DBF4: variants seen among roughly 807,000 people sequenced by gnomAD.
The protein encoded by DBF4 is DBF4-CDC7 kinase regulatory subunit, also known as protein DBF4 homolog A.
DBF4 carries 25 observed loss-of-function variants against 76.6 expected under a neutral mutation model. That is an observed-to-expected ratio of 0.33 (90% confidence interval 0.24 to 0.46). The LOEUF (loss-of-function observed/expected upper bound fraction) is 0.46. Among genes scored for constraint, DBF4 ranks in the 20% least tolerant of loss-of-function variants. The pLI is 1.00. For synonymous variants in DBF4, 213 were observed against 258.0 expected (o/e 0.83, Z 1.67); for missense variants, 638 against 760.8 (o/e 0.84, Z 1.90).
intron 6 of DBF4, among the ~76,000 whole-genome samples, chr7:87,893,407 G>A (rs1330611666): frequency 1.3e-5 from 2 of 151,398 alleles, no homozygotes; most frequent in Admixed American, 6.6e-5. Context: ...CACCGCGCCC[G>A]GCTAATTTTT....
chr7:87,900,732 G>A, intron 9 of DBF4, 32 bp from the exon 10 acceptor site: 1 of 1,558,458 alleles, frequency 6.4e-7, no homozygotes. Context: ...AGGTTCAGCA[G>A]TTAATTCTTT....
At chr7:87,894,760 C>G (rs767928261) in intron 6 of DBF4, among the ~76,000 whole-genome samples, 1 of 152,132 alleles carries the variant, frequency 6.6e-6, no homozygotes, top group African/African-American at 2.4e-5. Flanking sequence ...TGGATTCTGA[C>G]GAGAAATCTG....
At chr7:87,890,874 A>T (rs1762334205) in intron 6 of DBF4, among the ~76,000 whole-genome samples, 1 of 152,214 alleles carries the variant, frequency 6.6e-6, no homozygotes, top group Non-Finnish European at 1.5e-5. Flanking sequence ...AATGATAATA[A>T]TACCAAATAT....
In DBF4 at chr7:87,907,466, A is replaced by T. The variant is rs1839938141; in HGVS notation, c.1328A>T (p.Asp443Val). The T allele has an allele frequency of 6.2e-7, 1 of 1,613,932 alleles. No individual in the cohort carries two copies. The highest frequency in any genetic ancestry group is 1.1e-5 in the South Asian group (1 of 91,074). ...KCSMLSTAED[D>V]IRQNFTQLPL... Reference sequence around the variant, plus strand: ...TCCATGTTAAGTACAGCTGAAGATGACATAAGACAGAATTTTACACAGCTA... The same window carrying T: ...TCCATGTTAAGTACAGCTGAAGATGTCATAAGACAGAATTTTACACAGCTA... Residue 443 changes from aspartate (D) to valine (V), a missense_variant, in exon 12 of 12, where the codon GAC becomes GTC. Coordinates refer to ENST00000265728, the MANE Select transcript of DBF4 (RefSeq NM_006716.4).
chr7:87,883,133 TG>T (rs879466370), intron 2 of DBF4, among the ~76,000 whole-genome samples: 19 of 152,130 alleles, frequency 1.2e-4, no homozygotes, highest in Non-Finnish European at 2.6e-4. Flanking sequence ...TGCTACAACA[TG>T]GGTGAACCAC....
At chr7:87,879,073 T>C (rs1345149970) in intron 2 of DBF4, among the ~76,000 whole-genome samples, 1 of 152,166 alleles carries the variant, frequency 6.6e-6, no homozygotes, top group African/African-American at 2.4e-5. Flanking sequence ...CTCTGTCTCC[T>C]GAGTAGCTAC....
intron 7 of DBF4, among the ~76,000 whole-genome samples, 195 bp downstream of exon 7, chr7:87,896,705 C>T (rs1839648924): frequency 6.6e-6 from 1 of 151,950 alleles, no homozygotes; most frequent in African/African-American, 2.4e-5. Context: ...TAAAACGTTT[C>T]CTTTAAAAAT....
chr7:87,898,457 G>A (rs996290611), intron 8 of DBF4, among the ~76,000 whole-genome samples: 3 of 151,986 alleles, frequency 2.0e-5, no homozygotes, highest in African/African-American at 7.3e-5. Context: ...GAATTCATAC[G>A]GAATTGTAAC....
At chr7:87,897,240 A>C in intron 7 of DBF4, 54 bp from the exon 8 acceptor site, 1 of 1,548,332 alleles carries the variant, frequency 6.5e-7, no homozygotes, top group East Asian at 2.3e-5. Flanking sequence ...TTTATTAAAA[A>C]AAAAAAAGAA....
intron 7 of DBF4, among the ~76,000 whole-genome samples, 186 bp downstream of exon 7, chr7:87,896,696 A>T (rs929216137): frequency 3.3e-5 from 5 of 152,146 alleles, no homozygotes; most frequent in Non-Finnish European, 7.4e-5. Context: ...TGTTTTTTTT[A>T]AAACGTTTCC....
At chr7:87,883,611 T>C (rs1839272518) in intron 2 of DBF4, among the ~76,000 whole-genome samples, 1 of 152,178 alleles carries the variant, frequency 6.6e-6, no homozygotes, top group African/African-American at 2.4e-5. Flanking sequence ...TGTAGGTACA[T>C]TATTTACTGT....
rs143537768 is a variant in DBF4, at chr7:87,907,746, A to C, written c.1608A>C (p.Ile536=). The stretch of plus-strand genomic sequence containing the variant: ...CTCATGATTCTGGTCTGATAACAAT[A>C]AACAGTTCACAAGAGCACCTAACTG... ...IFTHDSGLIT[I]NSSQEHLTVQ... The change falls in exon 12 of 12, where the codon ATA becomes ATC. Residue 536 remains isoleucine, a synonymous_variant. Transcript: ENST00000265728. 6 of 1,614,000 alleles carry C rather than the reference A, an allele frequency of 3.7e-6. No individual in the cohort carries two copies. In the African/African-American group the frequency reaches 8.0e-5, roughly 22 times the overall value.
In DBF4 at chr7:87,885,092, A is replaced by G. The variant is rs1301622122; in HGVS notation, c.333A>G (p.Ala111=). Residue 111 remains alanine, a synonymous_variant, in exon 3 of 12, where the codon GCA becomes GCG. Transcript: ENST00000265728. The stretch of plus-strand genomic sequence containing the variant: ...CTCCTGTACCAAGTCCAGAATCTGC[A>G]TATACTGCAGAAACCACTTCACCTC... ...RISPVPSPES[A]YTAETTSPHP... 3 of 1,614,068 alleles carry G rather than the reference A, an allele frequency of 1.9e-6. No individual in the cohort carries two copies. The highest frequency in any genetic ancestry group is 1.7e-6 in the Non-Finnish European group (2 of 1,179,940).
At position 87,904,317 on chromosome 7, in the gene DBF4, A is replaced by G; in HGVS notation, c.950A>G (p.Asn317Ser). The G allele has an allele frequency of 6.2e-7, 1 of 1,612,520 alleles. No individual in the cohort carries two copies. Among genetic ancestry groups the G allele is most frequent in the Non-Finnish European group, 8.5e-7 (1 of 1,179,624 alleles). Residue 317 changes from asparagine (N) to serine (S), a missense_variant, in exon 11 of 12, where the codon AAC becomes AGC. Asn to Ser is a conservative substitution (Grantham distance 46). Transcript: ENST00000265728. ...CACCTTCTAAGTGAGCAACACAGAA[A>G]CTTTGCACAGAGTAACCAGTATCAA... ...ETHLLSEQHRNFAQSNQYQVV... is the reference protein window; with the variant it reads ...ETHLLSEQHRSFAQSNQYQVV...
intron 8 of DBF4, 35 bp downstream of exon 8, chr7:87,897,374 G>A (rs746682881): frequency 6.3e-7 from 1 of 1,595,320 alleles, no homozygotes; most frequent in Non-Finnish European, 8.6e-7. Flanking sequence ...TGATTTAAGT[G>A]CAATACTAAA....
intron 8 of DBF4, among the ~76,000 whole-genome samples, chr7:87,897,737 A>G (rs988776986): frequency 2.6e-5 from 4 of 152,174 alleles, no homozygotes; most frequent in African/African-American, 7.2e-5. Context: ...TGATTTCCAA[A>G]ATTCTGAAGT....
chr7:87,891,196 A>T, intron 6 of DBF4, among the ~76,000 whole-genome samples: 1 of 134,414 alleles, frequency 7.4e-6, no homozygotes, highest in Non-Finnish European at 1.6e-5. Flanking sequence ...TTTCCAGTTT[A>T]CTCAAAACTT....
In DBF4 at chr7:87,879,999, G is replaced by A. The variant is rs182271675; in HGVS notation, c.219+1774G>A. Reference sequence around the variant, plus strand: ...TCAAAGTAGCTATCTGATACAGTTTGATGACAATTTTCTCAAATATGATGA... The same window carrying A: ...TCAAAGTAGCTATCTGATACAGTTTAATGACAATTTTCTCAAATATGATGA... On this transcript the variant is annotated intron_variant, in intron 2 of 11. Coordinates refer to ENST00000265728, the MANE Select transcript of DBF4 (RefSeq NM_006716.4). 2.0e-5 allele frequency among the ~76,000 whole-genome samples: 3 copies of A among 150,598 alleles called. No homozygotes were observed. In the East Asian group the frequency reaches 5.8e-4, roughly 29 times the overall value.
intron 6 of DBF4, among the ~76,000 whole-genome samples, chr7:87,895,278 T>C (rs1437405298): frequency 6.6e-6 from 1 of 152,228 alleles, no homozygotes; most frequent in East Asian, 1.9e-4. Context: ...TCATCTTAAG[T>C]GTGTTTACCT....
Sources: gnomAD v4.1 joint callset for allele counts (sites outside exome capture counted in the v4.1 genomes callset) on GRCh38, gnomAD v4.1.1 for gene constraint, MANE v1.5 for transcripts, NCBI Gene and HGNC (gene_info 2026-07-23, HGNC 2026-07-21) for gene names.